The following SLC7A14 variants were observed in gnomAD, a reference collection of about 807,000 sequenced individuals.
SLC7A14 encodes solute carrier family 7 member 14, also known as gamma-aminobutyric acid transporter SLC7A14.
A neutral mutation model predicts 60.2 loss-of-function variants in SLC7A14; 37 were observed. The ratio of observed to expected loss-of-function variants is 0.61; its 90% confidence interval spans 0.47 to 0.81. SLC7A14 has a LOEUF of 0.81. Among genes scored for constraint, SLC7A14 ranks in the 30% least tolerant of loss-of-function variants. The pLI is 0.00. For missense variants in SLC7A14, 886 were observed against 982.7 expected (o/e 0.90, Z 1.32); for synonymous variants, 399 against 395.8 (o/e 1.01, Z -0.10).
intron 1 of SLC7A14, among the ~76,000 whole-genome samples, chr3:170,553,968 C>T (rs1221054416): frequency 6.6e-6 from 1 of 151,202 alleles, no homozygotes; most frequent in Admixed American, 6.6e-5. Context: ...AGAAGCAGTA[C>T]CCATTACCAT....
chr3:170,535,970 G>C lies in SLC7A14; in HGVS notation c.-152-8882C>G, dbSNP rs1456626566. ...CTGCTGGGATCCTGACTGATACATGGGTATATTAGACGGCTGAGATAGATT... is the reference window on the plus strand; with the variant it reads ...CTGCTGGGATCCTGACTGATACATGCGTATATTAGACGGCTGAGATAGATT... On this transcript the variant is annotated intron_variant, in intron 1 of 7. Coordinates refer to ENST00000231706, the MANE Select transcript of SLC7A14 (RefSeq NM_020949.3). This position sits in a 1 kb window ranked among gnomAD's most constrained non-coding sequence, Gnocchi z 4.3. Among the ~76,000 whole-genome samples, 5 of 152,028 alleles carry C rather than the reference G, an allele frequency of 3.3e-5. No individual in the cohort carries two copies. In the East Asian group the frequency reaches 9.7e-4, roughly 29 times the overall value.
At position 170,526,944 on chromosome 3, in the gene SLC7A14, G is replaced by T. The variant is rs760027358; in HGVS notation, c.-8C>A. The stretch of plus-strand genomic sequence containing the variant: ...GGTGAAGAAGCCACTCATCTTGAGC[G>T]ATAGGGGATGCAGTGAAGGTCAGCT... On this transcript the variant is annotated 5_prime_UTR_variant, in exon 2 of 8. Transcript: ENST00000231706. 8 of 1,609,404 alleles carry T rather than the reference G, an allele frequency of 5.0e-6. No individual in the cohort carries two copies. The highest frequency in any genetic ancestry group is 5.9e-6 in the Non-Finnish European group (7 of 1,177,918).
intron 7 of SLC7A14, among the ~76,000 whole-genome samples, chr3:170,478,369 T>C (rs1359899661): frequency 6.6e-6 from 1 of 152,194 alleles, no homozygotes; most frequent in African/African-American, 2.4e-5. Context: ...TGAGCCACTA[T>C]GCCCAGCCAA....
At chr3:170,524,189 C>G (rs1713423839) in intron 2 of SLC7A14, among the ~76,000 whole-genome samples, 1 of 152,152 alleles carries the variant, frequency 6.6e-6, no homozygotes, top group South Asian at 2.1e-4. Context: ...ATTCTCTGAA[C>G]AATGGTAACA....
chr3:170,525,290 AAAGG>A (rs1713458186), intron 2 of SLC7A14, among the ~76,000 whole-genome samples: 2 of 152,242 alleles, frequency 1.3e-5, no homozygotes, highest in African/African-American at 4.8e-5. Context: ...ACTCAAGAGA[AAAGG>A]AAGGAAGAGG....
At chr3:170,539,219 A>G (rs1455231511) in intron 1 of SLC7A14, among the ~76,000 whole-genome samples, 2 of 152,102 alleles carry the variant, frequency 1.3e-5, no homozygotes, top group African/African-American at 2.4e-5. Context: ...AAATACATCA[A>G]GCTCTCTGTT....
chr3:170,529,810 A>G (rs73163876), intron 1 of SLC7A14, among the ~76,000 whole-genome samples: 10,290 of 152,214 alleles, frequency 0.068, 917 homozygotes, highest in African/African-American at 0.2. Flanking sequence ...TGTCCTTATA[A>G]AAAGGGGAAA....
chr3:170,570,153 A>G (rs1362668604), intron 1 of SLC7A14: 6 of 152,176 alleles, frequency 3.9e-5, no homozygotes, highest in African/African-American at 1.4e-4. Flanking sequence ...GGAGAAAATC[A>G]CCTTAAAAGT....
intron 1 of SLC7A14, among the ~76,000 whole-genome samples, chr3:170,568,783 G>T (rs951747145): frequency 2.6e-5 from 4 of 152,160 alleles, no homozygotes; most frequent in Non-Finnish European, 4.4e-5. Flanking sequence ...TTGTGAATGG[G>T]AGTTCACTCA....
chr3:170,485,908 G>C (rs975518548), intron 5 of SLC7A14, among the ~76,000 whole-genome samples: 5 of 152,184 alleles, frequency 3.3e-5, no homozygotes, highest in African/African-American at 7.2e-5. Context: ...GTTACTGCCA[G>C]CCTATGACCT....
chr3:170,511,600 T>C (rs1255861310), intron 2 of SLC7A14, among the ~76,000 whole-genome samples: 1 of 152,128 alleles, frequency 6.6e-6, no homozygotes, highest in Non-Finnish European at 1.5e-5. Flanking sequence ...TTAGGGCCAT[T>C]ATTCATTGAC....
Position 170,479,472 on chromosome 3 carries a change from G to T in SLC7A14, c.1993+817C>A, listed in dbSNP as rs543614881. Among the ~76,000 whole-genome samples, 3 of 152,296 alleles carry T rather than the reference G, an allele frequency of 2.0e-5. No homozygotes were observed. The South Asian group carries it at 6.2e-4, about 32-fold the overall frequency. ...ATAAGCAAGTACTGCAAATACAATA[G>T]AAATGGATCACAAAGTAAAATTAGA... On this transcript the variant is annotated intron_variant, in intron 7 of 7. Transcript: ENST00000231706.
chr3:170,510,180 A>C (rs1038243548), intron 2 of SLC7A14, among the ~76,000 whole-genome samples: 1 of 151,724 alleles, frequency 6.6e-6, no homozygotes, highest in African/African-American at 2.4e-5. Context: ...ACCTGAGGTC[A>C]GGAGTTCGAG....
chr3:170,491,273 T>C (rs1304326818), intron 4 of SLC7A14, among the ~76,000 whole-genome samples: 3 of 152,330 alleles, frequency 2.0e-5, no homozygotes, highest in Non-Finnish European at 4.4e-5. Context: ...CAATTACTGA[T>C]AATGATTAGC....
rs1232721484 is a variant in SLC7A14 at position 170,463,945 on chromosome 3, A to G, written c.*3110T>C. On this transcript the variant is annotated 3_prime_UTR_variant, in exon 8 of 8. Coordinates refer to ENST00000231706, the MANE Select transcript of SLC7A14 (RefSeq NM_020949.3). The stretch of plus-strand genomic sequence containing the variant: ...CAAACCTCTACCTGCATGGGGAAAG[A>G]TTTGTTCTTATCATGCAGAAGTACT... 1 of 152,190 alleles carries G rather than the reference A, an allele frequency of 6.6e-6. No homozygotes were observed. The highest frequency in any genetic ancestry group is 1.9e-4 in the East Asian group (1 of 5,202). The allele number at this position is 152,190 out of a possible 1,614,324, so 9.4% of individuals were successfully genotyped here.
intron 6 of SLC7A14, among the ~76,000 whole-genome samples, chr3:170,482,536 G>T (rs1271225518): frequency 5.3e-5 from 8 of 152,220 alleles, no homozygotes; most frequent in African/African-American, 1.9e-4. Context: ...TTCTCAGCAG[G>T]CCCCTCATGC....
chr3:170,490,660 A>G (rs1330254648), intron 4 of SLC7A14, among the ~76,000 whole-genome samples: 3 of 152,214 alleles, frequency 2.0e-5, no homozygotes, highest in Non-Finnish European at 2.9e-5. Context: ...AGGAAATCCT[A>G]GGGCCACACA....
chr3:170,531,427 G>A (rs9874751), intron 1 of SLC7A14, among the ~76,000 whole-genome samples: 3,742 of 151,970 alleles, frequency 0.025, 167 homozygotes, highest in African/African-American at 0.086. Context: ...GCTTCTATTT[G>A]CACTTCGTAT....
At chr3:170,529,044 A>C (rs924992313) in intron 1 of SLC7A14, among the ~76,000 whole-genome samples, 1 of 152,212 alleles carries the variant, frequency 6.6e-6, no homozygotes, top group East Asian at 1.9e-4. Flanking sequence ...ATCACACTGC[A>C]AGTGAGAGGG....
Sources: gnomAD v4.1 joint callset for allele counts (sites outside exome capture counted in the v4.1 genomes callset) on GRCh38, gnomAD v4.1.1 for gene constraint, Gnocchi (gnomAD v3.1) non-coding constraint, MANE v1.5 for transcripts, NCBI Gene and HGNC (gene_info 2026-07-23, HGNC 2026-07-21) for gene names.